PIWIL1: variants seen among roughly 807,000 people sequenced by gnomAD.
PIWIL1 encodes piwi-like protein 1.
A neutral mutation model predicts 114.4 loss-of-function variants in PIWIL1; 73 were observed. The observed-to-expected ratio is 0.64, with a 90% CI of 0.53 to 0.78. The LOEUF (loss-of-function observed/expected upper bound fraction) is 0.78, where lower values mean the gene tolerates loss of function less well. Ranked by LOEUF, PIWIL1 falls within the 30% of genes least tolerant of loss-of-function variation. PIWIL1 has a pLI of 0.00. For missense variants in PIWIL1, 723 were observed against 1,063.1 expected (o/e 0.68, Z 4.45); for synonymous variants, 375 against 369.0 (o/e 1.02, Z -0.19).
At chr12:130,407,853 G>A in the PIWIL1 span, 1 of 1,592,268 alleles carries the variant, frequency 6.3e-7, no homozygotes. Flanking sequence ...AAGGGGGAAA[G>A]AAATCCATCA....
rs372705871 is a variant in PIWIL1 at position 130,354,864 on chromosome 12, T to G, written c.1172-24T>G. 1.8e-5 allele frequency: 27 copies of G among 1,504,774 alleles called. No homozygotes were observed. In the African/African-American group the frequency reaches 3.6e-4, roughly 20 times the overall value. 93.2% of individuals were successfully genotyped at this position (1,504,774 alleles called of 1,614,324 possible). A position where few individuals can be genotyped will look rare whatever the true frequency, so the allele number is the denominator to read the frequency against. On this transcript the variant is annotated intron_variant, in intron 10 of 20. Transcript: ENST00000245255. Reference sequence around the variant, plus strand: ...CCTGATTATTATTTCTTTAACCATATGCCTTTAAATGTCTTATTTAAAGGT... The same window carrying G: ...CCTGATTATTATTTCTTTAACCATAGGCCTTTAAATGTCTTATTTAAAGGT...
chr12:130,381,111 G>T, the PIWIL1 span, among the ~76,000 whole-genome samples: 1 of 152,078 alleles, frequency 6.6e-6, no homozygotes, highest in Non-Finnish European at 1.5e-5. Flanking sequence ...GTGACATCAT[G>T]ATTGCCCCAA....
At chr12:130,420,381 G>C in the PIWIL1 span, among the ~76,000 whole-genome samples, 10 of 152,170 alleles carry the variant, frequency 6.6e-5, no homozygotes, top group Non-Finnish European at 1.0e-4. The surrounding 1 kb of genome is among the most constrained non-coding windows in gnomAD (Gnocchi z 4.3). Flanking sequence ...TCTGAGTTAT[G>C]TTCAGAGGCT....
Position 130,346,604 on chromosome 12 carries a change from A to C in PIWIL1, c.531+20A>C. 6.3e-7 allele frequency: 1 copy of C among 1,579,678 alleles called. No homozygotes were observed. The highest frequency in any genetic ancestry group is 2.2e-5 in the East Asian group (1 of 44,704). On this transcript the variant is annotated intron_variant, in intron 5 of 20. Transcript: ENST00000245255. Reference sequence around the variant, plus strand: ...CAAAAGGTTATTTGGGAAAAGGGAGATGGGGGATTTCCACTTCAAAGCAGA... The same window carrying C: ...CAAAAGGTTATTTGGGAAAAGGGAGCTGGGGGATTTCCACTTCAAAGCAGA...
the PIWIL1 span, chr12:130,383,346 G>A: frequency 6.6e-6 from 1 of 152,174 alleles, no homozygotes; most frequent in Non-Finnish European, 1.5e-5. Context: ...TTACTCCTGA[G>A]ACAAGGAATC....
chr12:130,388,164 A>C, the PIWIL1 span, among the ~76,000 whole-genome samples: 1 of 152,154 alleles, frequency 6.6e-6, no homozygotes, highest in African/African-American at 2.4e-5. Context: ...CCCAGGCTGA[A>C]CTGCAATGGC....
chr12:130,421,689 A>ATGTGTGTGTGTG, the PIWIL1 span, among the ~76,000 whole-genome samples: 9,048 of 106,600 alleles, frequency 0.085, 378 homozygotes, highest in Middle Eastern at 0.17. Context: ...CCCTGCATTT[A>ATGTGTGTGTGTG]TATGTGTGTG....
chr12:130,416,078 G>A, the PIWIL1 span, among the ~76,000 whole-genome samples: 1 of 152,118 alleles, frequency 6.6e-6, no homozygotes, highest in South Asian at 2.1e-4. Flanking sequence ...GCTGAGAGAA[G>A]TCATAGATCA....
At chr12:130,424,223 C>G in the PIWIL1 span, 1 of 1,231,932 alleles carries the variant, frequency 8.1e-7, no homozygotes, top group Non-Finnish European at 1.0e-6. This position sits in a 1 kb window ranked among gnomAD's most constrained non-coding sequence, Gnocchi z 9.8. Flanking sequence ...TGCTTTTCTT[C>G]CAGACACCCC....
chr12:130,385,588 T>C, the PIWIL1 span, among the ~76,000 whole-genome samples: 1 of 152,204 alleles, frequency 6.6e-6, no homozygotes, highest in African/African-American at 2.4e-5. Flanking sequence ...CTTATAGATG[T>C]TTCATTGGCT....
intron 1 of PIWIL1, 109 bp downstream of exon 1, chr12:130,338,255 G>A (rs2072768965): frequency 3.0e-6 from 1 of 338,224 alleles, no homozygotes; most frequent in Non-Finnish European, 5.7e-6. Flanking sequence ...CCGGGTTGCG[G>A]GGGCGAGGTC....
At chr12:130,420,181 C>A in the PIWIL1 span, among the ~76,000 whole-genome samples, 1 of 152,194 alleles carries the variant, frequency 6.6e-6, no homozygotes, top group African/African-American at 2.4e-5. This position sits in a 1 kb window ranked among gnomAD's most constrained non-coding sequence, Gnocchi z 4.3. Context: ...GCCGAGTCCT[C>A]CTCCTCCTCA....
intron 9 of PIWIL1, among the ~76,000 whole-genome samples, chr12:130,353,569 G>C (rs999839745): frequency 5.3e-5 from 8 of 152,162 alleles, no homozygotes; most frequent in Non-Finnish European, 1.2e-4. Flanking sequence ...AACAAAGTCT[G>C]TCATGGTTCT....
the PIWIL1 span, among the ~76,000 whole-genome samples, chr12:130,382,709 T>TG: frequency 1.3e-5 from 2 of 152,232 alleles, no homozygotes; most frequent in Non-Finnish European, 2.9e-5. Flanking sequence ...TGAGCTTCAA[T>TG]GTCTTCCTCT....
chr12:130,351,690 C>T (rs1348278613), intron 9 of PIWIL1: 1 of 152,208 alleles, frequency 6.6e-6, no homozygotes, highest in African/African-American at 2.4e-5. Context: ...GATCTCCGCA[C>T]CTTCCCCTGC....
intron 18 of PIWIL1, among the ~76,000 whole-genome samples, chr12:130,363,807 G>A (rs541043782): frequency 2.6e-5 from 4 of 151,708 alleles, no homozygotes; most frequent in African/African-American, 7.3e-5. Context: ...TAGTAGAGAC[G>A]GGGTTTCACC....
chr12:130,375,301 T>G (rs2073858753), downstream of PIWIL1, among the ~76,000 whole-genome samples: 1 of 152,194 alleles, frequency 6.6e-6, no homozygotes, highest in Non-Finnish European at 1.5e-5. Context: ...ATTGTTGTAT[T>G]TCAATTCATG....
intron 19 of PIWIL1, among the ~76,000 whole-genome samples, chr12:130,367,681 G>A (rs2073699588): frequency 6.6e-6 from 1 of 152,206 alleles, no homozygotes; most frequent in Non-Finnish European, 1.5e-5. Context: ...TGGCTTCTGA[G>A]CCGAGCTGCA....
chr12:130,369,346 T>A (rs191597281), intron 19 of PIWIL1, among the ~76,000 whole-genome samples: 42 of 152,336 alleles, frequency 2.8e-4, no homozygotes, highest in African/African-American at 8.9e-4. Flanking sequence ...TGAATAGTGC[T>A]GCATGAACAT....
Sources: gnomAD v4.1 joint callset for allele counts (sites outside exome capture counted in the v4.1 genomes callset) on GRCh38, gnomAD v4.1.1 for gene constraint, Gnocchi (gnomAD v3.1) non-coding constraint, MANE v1.5 for transcripts, NCBI Gene and HGNC (gene_info 2026-07-23, HGNC 2026-07-21) for gene names.